The following FAM3C variants were observed in gnomAD, a reference collection of about 807,000 sequenced individuals.
FAM3C encodes the protein FAM3 metabolism regulating signaling molecule C.
FAM3C carries 15 observed loss-of-function variants against 32.5 expected under a neutral mutation model. The ratio of observed to expected loss-of-function variants is 0.46; its 90% CI spans 0.31 to 0.71. The LOEUF (loss-of-function observed/expected upper bound fraction) is 0.71. Among genes scored for constraint, FAM3C ranks in the 30% least tolerant of loss-of-function variants. The pLI is 0.05. For missense variants in FAM3C, 175 were observed against 274.4 expected, an observed-to-expected ratio of 0.64 and a Z score of 2.56; for synonymous variants, 75 against 86.1, an observed-to-expected ratio of 0.87 and a Z score of 0.72.
At chr7:121,364,595 A>G (rs564207262) in intron 5 of FAM3C, 4 of 155,380 alleles carry the variant, frequency 2.6e-5, no homozygotes, top group African/African-American at 9.6e-5. Context: ...TACTACCCCC[A>G]TCATTTAAAT....
intron 5 of FAM3C, among the ~76,000 whole-genome samples, chr7:121,367,486 C>A (rs1562886886): frequency 1.3e-5 from 2 of 152,128 alleles, no homozygotes; most frequent in Non-Finnish European, 2.9e-5. Context: ...GATTTTACCT[C>A]TTTGCCCTCA....
intron 5 of FAM3C, among the ~76,000 whole-genome samples, chr7:121,366,452 C>A (rs1017370167): frequency 6.6e-6 from 1 of 152,042 alleles, no homozygotes; most frequent in Non-Finnish European, 1.5e-5. Context: ...ATATTATATA[C>A]CACTTATATG....
At chr7:121,374,780 T>C (rs1180114324) in intron 3 of FAM3C, among the ~76,000 whole-genome samples, 1 of 152,148 alleles carries the variant, frequency 6.6e-6, no homozygotes, top group African/African-American at 2.4e-5. Flanking sequence ...ATAGCTAAAA[T>C]GCACACAAAA....
At chr7:121,376,611 T>G (rs1255994560) in intron 3 of FAM3C, among the ~76,000 whole-genome samples, 1 of 152,228 alleles carries the variant, frequency 6.6e-6, no homozygotes, top group Non-Finnish European at 1.5e-5. Flanking sequence ...AAGAGCATTT[T>G]CTTTTGAGCA....
intron 8 of FAM3C, among the ~76,000 whole-genome samples, chr7:121,352,443 C>T (rs1793724393): frequency 2.0e-5 from 3 of 152,160 alleles, no homozygotes; most frequent in Non-Finnish European, 2.9e-5. Flanking sequence ...GCACTGCTGT[C>T]CACCTGGAGG....
intron 5 of FAM3C, among the ~76,000 whole-genome samples, chr7:121,368,070 G>A (rs1405568941): frequency 6.6e-6 from 1 of 151,976 alleles, no homozygotes; most frequent in East Asian, 1.9e-4. Flanking sequence ...TCTAACTAAT[G>A]AGACATTTAA....
intron 5 of FAM3C, among the ~76,000 whole-genome samples, chr7:121,369,870 C>G (rs1794109014): frequency 6.6e-6 from 1 of 152,158 alleles, no homozygotes. Flanking sequence ...TGTGGGTAAA[C>G]AGTTGAGCTT....
intron 8 of FAM3C, among the ~76,000 whole-genome samples, chr7:121,356,808 TC>T (rs1188703444): frequency 1.8e-4 from 28 of 152,144 alleles, no homozygotes; most frequent in African/African-American, 6.8e-4. Context: ...CAAACCATTA[TC>T]TCCTTTATAA....
At chr7:121,364,686 T>C (rs1267615339) in intron 5 of FAM3C, 1 of 152,758 alleles carries the variant, frequency 6.5e-6, no homozygotes, top group Admixed American at 6.5e-5. Context: ...ATTATCACTG[T>C]AAAGTTCGTC....
chr7:121,383,918 T>C (rs1219145265), intron 1 of FAM3C, among the ~76,000 whole-genome samples: 1 of 152,148 alleles, frequency 6.6e-6, no homozygotes, highest in Non-Finnish European at 1.5e-5. Flanking sequence ...GCAGTACATA[T>C]CTATTTTAGA....
At chr7:121,384,456 T>C (rs958083813) in intron 1 of FAM3C, among the ~76,000 whole-genome samples, 4 of 152,188 alleles carry the variant, frequency 2.6e-5, no homozygotes, top group African/African-American at 9.7e-5. Context: ...ATATACATGC[T>C]TTTCCTGCCA....
chr7:121,382,172 C>G (rs1313457786), intron 2 of FAM3C, among the ~76,000 whole-genome samples: 2 of 152,158 alleles, frequency 1.3e-5, no homozygotes, highest in African/African-American at 4.8e-5. Flanking sequence ...CTTATTTTTA[C>G]TACACAGGAA....
At chr7:121,386,800 G>A (rs935273171) in intron 1 of FAM3C, among the ~76,000 whole-genome samples, 20 of 151,756 alleles carry the variant, frequency 1.3e-4, no homozygotes, top group Admixed American at 2.0e-4. Context: ...TATCCCCAGA[G>A]CATTTAAAGT....
intron 3 of FAM3C, among the ~76,000 whole-genome samples, chr7:121,375,735 T>C (rs1366603065): frequency 1.3e-5 from 2 of 152,150 alleles, no homozygotes; most frequent in Middle Eastern, 3.2e-3. Context: ...AGCCTTCTCT[T>C]CAATCTTCTT....
intron 8 of FAM3C, among the ~76,000 whole-genome samples, chr7:121,356,029 C>T (rs1793800954): frequency 1.5e-5 from 2 of 137,260 alleles, no homozygotes. Context: ...CCTGATTTGA[C>T]AGTGGTTTAG....
At chr7:121,385,471 C>T (rs1006184842) in intron 1 of FAM3C, among the ~76,000 whole-genome samples, 4 of 152,164 alleles carry the variant, frequency 2.6e-5, no homozygotes, top group African/African-American at 7.2e-5. Context: ...CTGGAAAGAG[C>T]GCCTGAACTA....
At chr7:121,389,540 A>C (rs902912006) in intron 1 of FAM3C, among the ~76,000 whole-genome samples, 1 of 152,124 alleles carries the variant, frequency 6.6e-6, no homozygotes, top group Non-Finnish European at 1.5e-5. Context: ...ATTTGTTCTA[A>C]CCTACAGATA....
chr7:121,352,326 T>TTA (rs60862307), intron 8 of FAM3C, among the ~76,000 whole-genome samples: 3 of 152,016 alleles, frequency 2.0e-5, no homozygotes, highest in Non-Finnish European at 4.4e-5. Flanking sequence ...ATGGTTTTTT[T>TTA]AAAAAAGCTT....
chr7:121,352,084 G>A (rs1352269557), intron 8 of FAM3C, among the ~76,000 whole-genome samples: 1 of 152,174 alleles, frequency 6.6e-6, no homozygotes, highest in Non-Finnish European at 1.5e-5. Context: ...CCTATATACT[G>A]CGCAAAAGAC....
Sources: gnomAD v4.1 joint callset for allele counts (sites outside exome capture counted in the v4.1 genomes callset) on GRCh38, gnomAD v4.1.1 for gene constraint, MANE v1.5 for transcripts, NCBI Gene and HGNC (gene_info 2026-07-23, HGNC 2026-07-21) for gene names.